The following DSP variants were observed in gnomAD, a reference collection of about 807,000 sequenced individuals.
DSP encodes desmoplakin.
Under a neutral mutation model 290.6 loss-of-function variants are expected in DSP, and 114 were observed. The ratio of observed to expected loss-of-function variants is 0.39; its 90% CI spans 0.34 to 0.46. The LOEUF is 0.46. DSP is among the 20% of genes least tolerant of loss of function. The pLI, the probability that DSP is intolerant of heterozygous loss-of-function variation, is 0.99. For synonymous variants in DSP, 1,311 were observed against 1,316.4 expected (o/e 1.00, Z 0.09); for missense variants, 3,230 against 3,495.8 (o/e 0.92, Z 1.92).
chr6:7,568,304 T>C, intron 10 of DSP, 133 bp from the exon 11 acceptor site: 1 of 1,021,604 alleles, frequency 9.8e-7, no homozygotes, highest in East Asian at 2.5e-5. Context: ...GCCGACGAAT[T>C]TGTGATTTTT....
chr6:7,554,316 A>G (rs1231227996), intron 1 of DSP, among the ~76,000 whole-genome samples: 1 of 152,196 alleles, frequency 6.6e-6, no homozygotes, highest in African/African-American at 2.4e-5. Flanking sequence ...ATCTTGGTAA[A>G]TTTAAAAGCC....
At position 7,580,167 on chromosome 6, in the gene DSP, AG is replaced by A; in HGVS notation, c.3978del (p.Ile1327SerfsTer22). 1 of 1,614,082 alleles carries A rather than the reference AG, an allele frequency of 6.2e-7. No individual in the cohort carries two copies. The highest frequency in any genetic ancestry group is 8.5e-7 in the Non-Finnish European group (1 of 1,180,002). Reference protein sequence around the residue: ...AAKTIQDKNKEIERLKAEFQE... With the variant: ...AAKTIQDKNKXIERLKAEFQE... Reference sequence around the variant, plus strand: ...AAGACCATTCAGGACAAAAATAAGGAGATCGAGAGACTCAAAGCTGAGTTTC... The same window carrying A: ...AAGACCATTCAGGACAAAAATAAGGAATCGAGAGACTCAAAGCTGAGTTTC... On this transcript the variant is annotated frameshift_variant, in exon 23 of 24. Transcript: ENST00000379802. LOFTEE classifies it high-confidence loss of function. The surrounding 1 kb of genome is among the most constrained non-coding windows in gnomAD (Gnocchi z 4.2).
intron 15 of DSP, among the ~76,000 whole-genome samples, 166 bp from the exon 16 acceptor site, chr6:7,573,920 A>G (rs1349390195): frequency 1.3e-5 from 2 of 152,212 alleles, no homozygotes; most frequent in Non-Finnish European, 2.9e-5. Flanking sequence ...TACCACACAT[A>G]CAAAAAAAGA....
chr6:7,576,988 A>T lies in DSP; in HGVS notation c.2823A>T (p.Arg941=). The T allele has an allele frequency of 6.2e-7, 1 of 1,613,430 alleles. No homozygotes were observed. Among genetic ancestry groups the T allele is most frequent in the South Asian group, 1.1e-5 (1 of 90,900 alleles). Residue 941 remains arginine, a synonymous_variant, in exon 20 of 24, where the codon CGA becomes CGT. Coordinates refer to ENST00000379802, the MANE Select transcript of DSP (RefSeq NM_004415.4). ...KNLHSEISGK[R]DKSEEVQKIA... The stretch of plus-strand genomic sequence containing the variant: ...TGCACAGTGAAATATCTGGCAAACG[A>T]GACAAATCAGAGGAAGTACAAAAAA...
At chr6:7,556,475 G>A (rs1758509085) in intron 2 of DSP, among the ~76,000 whole-genome samples, 1 of 152,156 alleles carries the variant, frequency 6.6e-6, no homozygotes, top group Non-Finnish European at 1.5e-5. Flanking sequence ...ATAGAGAATG[G>A]TGGGGCCGTA....
At chr6:7,575,245 A>T (rs755521823) in intron 17 of DSP, 50 bp from the exon 18 acceptor site, 7 of 1,601,584 alleles carry the variant, frequency 4.4e-6, no homozygotes, top group Non-Finnish European at 6.0e-6. Flanking sequence ...AGTGTAGCAT[A>T]CAATGGGAGA....
chr6:7,577,077 C>G (rs771338967), intron 20 of DSP, 35 bp downstream of exon 20: 2 of 1,543,164 alleles, frequency 1.3e-6, no homozygotes, highest in Admixed American at 1.7e-5. Context: ...TGGTATTTCA[C>G]CAAGATTATT....
intron 1 of DSP, among the ~76,000 whole-genome samples, chr6:7,548,329 G>A (rs1758230185): frequency 6.6e-6 from 1 of 152,122 alleles, no homozygotes; most frequent in Non-Finnish European, 1.5e-5. Context: ...GCAAGTAAGA[G>A]CTATCACTAA....
At chr6:7,573,155 TAC>T (rs1226034383) in intron 15 of DSP, among the ~76,000 whole-genome samples, 9 of 152,042 alleles carry the variant, frequency 5.9e-5, no homozygotes, top group African/African-American at 2.2e-4. Flanking sequence ...TGTATGTATG[TAC>T]ATATGTGTGT....
chr6:7,580,132 G>A lies in DSP; in HGVS notation c.3942G>A (p.Glu1314=). The A allele has an allele frequency of 6.2e-7, 1 of 1,614,106 alleles. No individual in the cohort carries two copies. The highest frequency in any genetic ancestry group is 1.7e-5 in the Admixed American group (1 of 60,024). ...EDNARHKQSL[E]EAAKTIQDKN... is the part of the protein sequence containing the mutation. The stretch of plus-strand genomic sequence containing the variant: ...ATGCCCGGCACAAGCAGTCCCTGGA[G>A]GAGGCTGCCAAGACCATTCAGGACA... Residue 1314 remains glutamate, a synonymous_variant, in exon 23 of 24, where the codon GAG becomes GAA. Transcript: ENST00000379802. This position sits in a 1 kb window ranked among gnomAD's most constrained non-coding sequence, Gnocchi z 4.2.
At chr6:7,568,958 C>G (rs1758947952) in intron 11 of DSP, among the ~76,000 whole-genome samples, 1 of 150,056 alleles carries the variant, frequency 6.7e-6, no homozygotes, top group Admixed American at 6.6e-5. Flanking sequence ...ACAGTGAGAC[C>G]AAATAAATAA....
In DSP at chr6:7,584,567, G is replaced by C. The variant is rs1554108998; in HGVS notation, c.7305G>C (p.Lys2435Asn). Residue 2435 changes from lysine to asparagine, a missense_variant, in exon 24 of 24, where the codon AAG (lysine) becomes AAC (asparagine). Coordinates refer to ENST00000379802, the MANE Select transcript of DSP (RefSeq NM_004415.4). This position sits in a 1 kb window ranked among gnomAD's most constrained non-coding sequence, Gnocchi z 6.4. ...TYLQLKERCI[K>N]DEETGLCLLP... ...TGCAACTAAAAGAAAGATGCATTAAGGATGAGGAAACAGGGCTCTGTCTTC... is the reference window on the plus strand; with the variant it reads ...TGCAACTAAAAGAAAGATGCATTAACGATGAGGAAACAGGGCTCTGTCTTC... 6.2e-7 allele frequency: 1 copy of C among 1,614,042 alleles called. No individual in the cohort carries two copies. The highest frequency in any genetic ancestry group is 8.5e-7 in the Non-Finnish European group (1 of 1,179,952).
Position 7,580,096 on chromosome 6 carries a change from C to T in DSP, c.3906C>T (p.Arg1302=). ...EIELKQVMQQ[R]SEDNARHKQS... Reference sequence around the variant, plus strand: ...AACTGAAGCAGGTCATGCAGCAGCGCTCTGAGGACAATGCCCGGCACAAGC... The same window carrying T: ...AACTGAAGCAGGTCATGCAGCAGCGTTCTGAGGACAATGCCCGGCACAAGC... The change falls in exon 23 of 24, where the codon CGC becomes CGT. Residue 1302 remains arginine, a synonymous_variant. Coordinates refer to ENST00000379802, the MANE Select transcript of DSP (RefSeq NM_004415.4). The surrounding 1 kb of genome is among the most constrained non-coding windows in gnomAD (Gnocchi z 4.2). 1 of 1,614,048 alleles carries T rather than the reference C, an allele frequency of 6.2e-7. No homozygotes were observed. The highest frequency in any genetic ancestry group is 1.1e-5 in the South Asian group (1 of 91,078).
chr6:7,547,573 C>T (rs1341502754), intron 1 of DSP, among the ~76,000 whole-genome samples: 6 of 151,442 alleles, frequency 4.0e-5, no homozygotes, highest in Admixed American at 2.0e-4. Context: ...GGACCACAGG[C>T]GTGCGCCACC....
At chr6:7,566,672 T>C (rs1415013557) in intron 8 of DSP, among the ~76,000 whole-genome samples, 191 bp downstream of exon 8, 1 of 152,240 alleles carries the variant, frequency 6.6e-6, no homozygotes, top group Non-Finnish European at 1.5e-5. Context: ...ATTTTAGACT[T>C]TCAGGCCATT....
At chr6:7,543,168 C>T (rs558087877) in intron 1 of DSP, among the ~76,000 whole-genome samples, 5 of 152,242 alleles carry the variant, frequency 3.3e-5, no homozygotes, top group African/African-American at 4.8e-5. Flanking sequence ...ACCTCCCCGC[C>T]CCCTGCTAGT....
intron 17 of DSP, 82 bp from the exon 18 acceptor site, chr6:7,575,213 G>A: frequency 7.2e-7 from 1 of 1,395,258 alleles, no homozygotes; most frequent in Non-Finnish European, 1.0e-6. Context: ...TATAAACTTT[G>A]CCGCCCAATT....
At chr6:7,552,937 G>C (rs796728669) in intron 1 of DSP, among the ~76,000 whole-genome samples, 11 of 152,278 alleles carry the variant, frequency 7.2e-5, no homozygotes, top group African/African-American at 2.6e-4. Flanking sequence ...ATATTTTGTG[G>C]TCAAATGAAT....
chr6:7,565,359 A>C lies in DSP; in HGVS notation c.778A>C (p.Lys260Gln). ...TGCTGCCTTTGAACCTCCTGTGCAG[A>C]AAGCGTCCTTTGAGAGGATGGATCA... ...QLEEEYENLL[K>Q]ASFERMDHLR... The change falls in exon 7 of 24, where the codon AAA becomes CAA. Residue 260 changes from lysine (K) to glutamine (Q), a missense_variant and splice_region_variant. Lys to Gln is a moderately conservative substitution (Grantham distance 53). Around this residue, in one of 5 missense-constraint regions of DSP, gnomAD observed 646 missense variants for 684.3 expected, o/e 0.94. Transcript: ENST00000379802. The surrounding 1 kb of genome is among the most constrained non-coding windows in gnomAD (Gnocchi z 4.2). 1 of 1,614,100 alleles carries C rather than the reference A, an allele frequency of 6.2e-7. No individual in the cohort carries two copies.
Sources: allele counts gnomAD v4.1 joint callset (sites outside exome capture counted in the v4.1 genomes callset), GRCh38; gene constraint gnomAD v4.1.1; regional missense constraint gnomAD v4.1.1; non-coding constraint Gnocchi (gnomAD v3.1); transcripts MANE v1.5; gene names NCBI Gene and HGNC (gene_info 2026-07-23, HGNC 2026-07-21).